The following WDR31 variants were observed in gnomAD, a reference collection of about 807,000 sequenced individuals.
The protein encoded by WDR31 is WD repeat-containing protein 31.
WDR31 carries 30 observed loss-of-function variants against 47.3 expected under a neutral mutation model. The ratio of observed to expected loss-of-function variants is 0.63; its 90% CI spans 0.47 to 0.86. The LOEUF is 0.86. WDR31 is among the 40% of genes least tolerant of loss of function. The probability of loss-of-function intolerance (pLI) is 0.00; values close to 1 mark genes in which losing one functional copy is unlikely to be tolerated. For missense variants in WDR31, 406 were observed against 442.9 expected (o/e 0.92, Z 0.75); for synonymous variants, 137 against 159.4 (o/e 0.86, Z 1.06).
At chr9:113,328,243 G>T (rs938440560) in intron 5 of WDR31, among the ~76,000 whole-genome samples, 3 of 152,144 alleles carry the variant, frequency 2.0e-5, no homozygotes, top group Non-Finnish European at 2.9e-5. Context: ...ATTACAGCAT[G>T]GTGTTCTCTA....
At chr9:113,339,319 C>T (rs907838676) in intron 1 of WDR31, among the ~76,000 whole-genome samples, 10 of 152,270 alleles carry the variant, frequency 6.6e-5, no homozygotes, top group African/African-American at 2.2e-4. Flanking sequence ...TGCTGAAGGT[C>T]ACAGGGGCAG....
At position 113,324,072 on chromosome 9, in the gene WDR31, T is replaced by C. The variant is rs367748635; in HGVS notation, c.325-917A>G. On this transcript the variant is annotated intron_variant, in intron 5 of 10. Coordinates refer to ENST00000374193, the MANE Select transcript of WDR31 (RefSeq NM_001012361.4). ...GGTAAATATACATAAAACTTACCAT[T>C]TTAACCATTTTTAAGTGTACAACTC... is the stretch of plus-strand genomic sequence containing the variant. 3.3e-5 allele frequency among the ~76,000 whole-genome samples: 5 copies of C among 152,280 alleles called. No homozygotes were observed. In the East Asian group the frequency reaches 5.8e-4, roughly 18 times the overall value.
Position 113,332,016 on chromosome 9 carries a change from G to A in WDR31, c.7C>T (p.Leu3=), listed in dbSNP as rs1372614309. ML[L]LRCQLKQAPP... is the part of the protein sequence containing the mutation. The stretch of plus-strand genomic sequence containing the variant: ...GCTTGTTTCAGTTGGCACCTGAGTA[G>A]CAGCATCCCTTGTGGCTGCTGGAAG... The change falls in exon 3 of 11, where the codon CTA becomes TTA. Residue 3 remains leucine (L), a synonymous_variant. Transcript: ENST00000374193. 4.3e-6 allele frequency: 7 copies of A among 1,613,722 alleles called. No individual in the cohort carries two copies. The highest frequency in any genetic ancestry group is 2.7e-5 in the African/African-American group (2 of 74,928).
At chr9:113,332,536 G>A (rs1456392354) in intron 2 of WDR31, among the ~76,000 whole-genome samples, 2 of 152,156 alleles carry the variant, frequency 1.3e-5, no homozygotes, top group Non-Finnish European at 2.9e-5. Context: ...AGCAAAAGAA[G>A]CCAGACATGA....
At chr9:113,319,825 C>T (rs1833285522) in intron 9 of WDR31, among the ~76,000 whole-genome samples, 5 of 152,236 alleles carry the variant, frequency 3.3e-5, no homozygotes, top group Admixed American at 2.6e-4. Flanking sequence ...CCTCTCTAAG[C>T]TCTGCTGGGA....
In WDR31 at chr9:113,331,380, C is replaced by T. The variant is rs541543338; in HGVS notation, c.117-264G>A. Among the ~76,000 whole-genome samples the T allele has an allele frequency of 4.6e-5, 7 of 152,312 alleles. No homozygotes were observed. In the South Asian group the frequency reaches 1.5e-3, roughly 32 times the overall value. The stretch of plus-strand genomic sequence containing the variant: ...AAGAAGCCAGGAGTCTTTCTTTGCT[C>T]ACACTAGCAATTAATCCTGAAGATT... On this transcript the variant is annotated intron_variant, in intron 3 of 10. Coordinates refer to ENST00000374193, the MANE Select transcript of WDR31 (RefSeq NM_001012361.4).
intron 1 of WDR31, 63 bp from the exon 2 acceptor site, chr9:113,336,503 T>C (rs913030302): frequency 2.0e-5 from 3 of 152,220 alleles, no homozygotes; most frequent in Non-Finnish European, 4.4e-5. Flanking sequence ...TAGGTGTAGT[T>C]TTCCCTCACA....
At chr9:113,332,492 T>C (rs1253226001) in intron 2 of WDR31, among the ~76,000 whole-genome samples, 2 of 152,206 alleles carry the variant, frequency 1.3e-5, no homozygotes, top group African/African-American at 4.8e-5. Context: ...TCGTACATAC[T>C]ACAACATGGG....
intron 5 of WDR31, 140 bp downstream of exon 5, chr9:113,328,741 T>C (rs1833530394): frequency 1.4e-6 from 1 of 715,636 alleles, no homozygotes; most frequent in African/African-American, 1.8e-5. Flanking sequence ...CTGTTTCTCC[T>C]GAAGTAGGAT....
At chr9:113,326,158 G>A (rs899043706) in intron 5 of WDR31, among the ~76,000 whole-genome samples, 3 of 152,136 alleles carry the variant, frequency 2.0e-5, no homozygotes, top group Non-Finnish European at 2.9e-5. Context: ...TGATCTGCCC[G>A]CCTTGGCCTC....
At chr9:113,329,046 T>C in intron 4 of WDR31, 91 bp from the exon 5 acceptor site, 2 of 1,200,372 alleles carry the variant, frequency 1.7e-6, no homozygotes, top group Non-Finnish European at 2.5e-6. Flanking sequence ...TTCTCCCTCC[T>C]CACTCACTCC....
chr9:113,318,007 A>T (rs1833246102), intron 10 of WDR31, among the ~76,000 whole-genome samples: 1 of 152,240 alleles, frequency 6.6e-6, no homozygotes, highest in South Asian at 2.1e-4. Context: ...TGGGTTGCAT[A>T]AGACATCTTT....
chr9:113,336,442 T>C lies in WDR31; in HGVS notation c.-181-2A>G, dbSNP rs918060183. 15 of 152,194 alleles carry C rather than the reference T, an allele frequency of 9.9e-5. No individual in the cohort carries two copies. Among genetic ancestry groups the C allele is most frequent in the African/African-American group, 3.4e-4 (14 of 41,450 alleles). 9.4% of individuals were successfully genotyped at this position (152,194 alleles called of 1,614,324 possible). A position where few individuals can be genotyped will look rare whatever the true frequency, so the allele number is the denominator to read the frequency against. Reference sequence around the variant, plus strand: ...CTTCTCTGTCTAAGCATGTTTGCACTGAAAAGAGATTTACAAGGTAAATAA... The same window carrying C: ...CTTCTCTGTCTAAGCATGTTTGCACCGAAAAGAGATTTACAAGGTAAATAA... On this transcript the variant is annotated splice_acceptor_variant, in intron 1 of 10. Transcript: ENST00000374193. LOFTEE classifies it low-confidence loss of function (5UTR_SPLICE).
chr9:113,340,024 C>T (rs963594539), intron 1 of WDR31, among the ~76,000 whole-genome samples, 193 bp downstream of exon 1: 16 of 152,236 alleles, frequency 1.1e-4, no homozygotes, highest in African/African-American at 3.4e-4. Context: ...CGTGAGCCAC[C>T]GCGCCCGGCC....
intron 5 of WDR31, among the ~76,000 whole-genome samples, chr9:113,325,563 T>G (rs1208399177): frequency 6.6e-6 from 1 of 151,954 alleles, no homozygotes; most frequent in Non-Finnish European, 1.5e-5. Context: ...CTTAAACTCA[T>G]ATTCTCAATG....
At chr9:113,320,317 C>T (rs1333922759) in intron 9 of WDR31, 40 bp downstream of exon 9, 1 of 1,608,532 alleles carries the variant, frequency 6.2e-7, no homozygotes, top group Non-Finnish European at 8.5e-7. Context: ...GTGATCTGTT[C>T]ATCAGCAACC....
chr9:113,329,315 AT>A (rs905443416), intron 4 of WDR31, among the ~76,000 whole-genome samples: 38 of 150,628 alleles, frequency 2.5e-4, no homozygotes, highest in Non-Finnish European at 4.1e-4. Flanking sequence ...ATAGTACTGT[AT>A]TTTTTTGTTG....
At chr9:113,324,755 C>T (rs1833416509) in intron 5 of WDR31, among the ~76,000 whole-genome samples, 1 of 151,046 alleles carries the variant, frequency 6.6e-6, no homozygotes, top group African/African-American at 2.4e-5. Flanking sequence ...TTTGTTTATC[C>T]ATGAATCTGT....
chr9:113,316,192 C>T lies in WDR31; in HGVS notation c.*557G>A, dbSNP rs1390155238. On this transcript the variant is annotated 3_prime_UTR_variant, in exon 11 of 11. Coordinates refer to ENST00000374193, the MANE Select transcript of WDR31 (RefSeq NM_001012361.4). ...CACTTTGAATAGAAGTCCAAGCTTT[C>T]GCTTTCTTGCCCTGACTTTGATTCT... 1.3e-5 allele frequency: 2 copies of T among 152,420 alleles called. No individual in the cohort carries two copies. Among genetic ancestry groups the T allele is most frequent in the African/African-American group, 2.4e-5 (1 of 41,470 alleles). The allele number at this position is 152,420 out of a possible 1,614,324, so 9.4% of individuals were successfully genotyped here. A position where few individuals can be genotyped will look rare whatever the true frequency, so the allele number is the denominator to read the frequency against.
Sources: gnomAD v4.1 joint callset for allele counts (sites outside exome capture counted in the v4.1 genomes callset) on GRCh38, gnomAD v4.1.1 for gene constraint, MANE v1.5 for transcripts, NCBI Gene and HGNC (gene_info 2026-07-23, HGNC 2026-07-21) for gene names.